The following LRMDA variants were observed in gnomAD, a reference collection of about 807,000 sequenced individuals.
LRMDA encodes leucine-rich melanocyte differentiation-associated protein.
Under a neutral mutation model 29.8 loss-of-function variants are expected in LRMDA, and 18 were observed. The ratio of observed to expected loss-of-function variants is 0.60; its 90% CI spans 0.42 to 0.90. LRMDA has a LOEUF of 0.90. LRMDA is among the 40% of genes least tolerant of loss of function. LRMDA has a pLI of 0.00. For synonymous variants in LRMDA, 125 were observed against 109.4 expected, an observed-to-expected ratio of 1.14 and a Z score of -0.89; for missense variants, 273 against 273.9, an observed-to-expected ratio of 1.00 and a Z score of 0.02.
At position 76,376,978 on chromosome 10, in the gene LRMDA, T is replaced by C. The variant is rs1841529937; in HGVS notation, c.601+52493T>C. On this transcript the variant is annotated intron_variant, in intron 6 of 6. Transcript: ENST00000611255. ...TCCGCTCACTGGAAGCTCCACCACC[T>C]GGGTTCACACCATTCTCCTGCCTCA... Among the ~76,000 whole-genome samples the C allele has an allele frequency of 3.6e-5, 5 of 140,626 alleles. No homozygotes were observed. In the Admixed American group the frequency reaches 3.9e-4, roughly 11 times the overall value. The allele number at this position is 140,626 out of a possible 152,430, so 92.3% of individuals were successfully genotyped here.
intron 6 of LRMDA, among the ~76,000 whole-genome samples, chr10:76,540,306 A>C (rs1030660539): frequency 1.1e-4 from 16 of 150,650 alleles, no homozygotes; most frequent in Admixed American, 2.6e-4. Flanking sequence ...TAGAGGGGGA[A>C]ATCTCTTCAT....
chr10:75,737,082 C>G (rs1750022194), intron 2 of LRMDA, among the ~76,000 whole-genome samples: 1 of 151,130 alleles, frequency 6.6e-6, no homozygotes, highest in Non-Finnish European at 1.5e-5. Flanking sequence ...CACACACGCA[C>G]ATGCATGCAC....
intron 6 of LRMDA, among the ~76,000 whole-genome samples, chr10:76,386,613 A>C (rs1318597905): frequency 6.6e-6 from 1 of 152,176 alleles, no homozygotes; most frequent in African/African-American, 2.4e-5. Context: ...TTACAATATC[A>C]CACCCCATAT....
intron 5 of LRMDA, among the ~76,000 whole-genome samples, chr10:76,131,524 T>A (rs545130291): frequency 1.3e-5 from 2 of 152,348 alleles, no homozygotes; most frequent in African/African-American, 4.8e-5. Flanking sequence ...ATATTTAAGA[T>A]CTTTGATGCA....
chr10:76,049,576 G>GAA (rs1274059995), intron 4 of LRMDA, among the ~76,000 whole-genome samples: 1 of 152,038 alleles, frequency 6.6e-6, no homozygotes, highest in Non-Finnish European at 1.5e-5. Context: ...CTTGTATATG[G>GAA]AAAAGATAGA....
chr10:75,460,873 C>T (rs1368137039), intron 2 of LRMDA, among the ~76,000 whole-genome samples: 1 of 152,104 alleles, frequency 6.6e-6, no homozygotes, highest in Non-Finnish European at 1.5e-5. Flanking sequence ...GTTATTAAGA[C>T]ATGCTGTGAT....
At chr10:76,094,224 CCTTT>C (rs1318014922) in intron 5 of LRMDA, among the ~76,000 whole-genome samples, 1 of 152,064 alleles carries the variant, frequency 6.6e-6, no homozygotes, top group Admixed American at 6.6e-5. Context: ...CAAATAGAGA[CCTTT>C]CTTTCTCATT....
chr10:76,391,354 A>G (rs1489960722), intron 6 of LRMDA, among the ~76,000 whole-genome samples: 1 of 152,202 alleles, frequency 6.6e-6, no homozygotes. Context: ...CCAGAAGCTG[A>G]TGAGGCTTAT....
chr10:76,150,552 C>A (rs181363780), intron 5 of LRMDA, among the ~76,000 whole-genome samples: 1 of 152,142 alleles, frequency 6.6e-6, no homozygotes. Context: ...GCTGTCATAA[C>A]GCAAGGTTAA....
At chr10:75,722,185 G>T (rs2047904431) in intron 2 of LRMDA, among the ~76,000 whole-genome samples, 1 of 151,862 alleles carries the variant, frequency 6.6e-6, no homozygotes, top group South Asian at 2.1e-4. Context: ...TCCATCCTAG[G>T]GCCTGCCAAT....
chr10:76,363,116 G>GGAAAGAAAGAAA lies in LRMDA; in HGVS notation c.601+38681_601+38692dup, dbSNP rs1192417224. Among the ~76,000 whole-genome samples the GGAAAGAAAGAAA allele has an allele frequency of 5.1e-3, 265 of 51,520 alleles. 15 individuals carry two copies. The highest frequency in any genetic ancestry group is 0.021 in the East Asian group (40 of 1,872). 33.8% of individuals were successfully genotyped at this position (51,520 alleles called of 152,430 possible). On this transcript the variant is annotated intron_variant, in intron 6 of 6. Transcript: ENST00000611255. ...CTAGAGGTTTCAGCCTGTGGAGTAA[G>GGAAAGAAAGAAA]GAAAGAAAGAAAGAAAGAAAGAAAG...
rs982555349 is a variant in LRMDA at position 76,329,808 on chromosome 10, C to T, written c.601+5323C>T. 9.2e-5 allele frequency among the ~76,000 whole-genome samples: 14 copies of T among 152,020 alleles called. No homozygotes were observed. In the South Asian group the frequency reaches 2.1e-3, roughly 23 times the overall value. On this transcript the variant is annotated intron_variant, in intron 6 of 6. Coordinates refer to ENST00000611255, the MANE Select transcript of LRMDA (RefSeq NM_001305581.2). ...CATGAAGCAGCTCAATGTATGCCAT[C>T]CAAAAAAGAAGAAAAAGACCGAAAG...
intron 2 of LRMDA, among the ~76,000 whole-genome samples, chr10:75,724,108 C>A (rs1033292548): frequency 6.6e-6 from 1 of 152,092 alleles, no homozygotes; most frequent in Non-Finnish European, 1.5e-5. Context: ...AAAATTCAGA[C>A]TAGGGTACAG....
chr10:76,051,811 C>G lies in LRMDA; in HGVS notation c.398+4508C>G, dbSNP rs138233748. ...CAAGATACACTCAAGAGTCTGGCCT[C>G]TTTCACTATGCTATTAGTCCCCAAG... On this transcript the variant is annotated intron_variant, in intron 4 of 6. Coordinates refer to ENST00000611255, the MANE Select transcript of LRMDA (RefSeq NM_001305581.2). Among the ~76,000 whole-genome samples the G allele has an allele frequency of 2.6e-5, 4 of 152,338 alleles. No homozygotes were observed. In the East Asian group the frequency reaches 7.7e-4, roughly 29 times the overall value.
intron 2 of LRMDA, among the ~76,000 whole-genome samples, chr10:75,834,389 G>A (rs1321043798): frequency 6.6e-6 from 1 of 152,174 alleles, no homozygotes; most frequent in Non-Finnish European, 1.5e-5. Flanking sequence ...ATTTGCCAAA[G>A]GTTGTTCATT....
chr10:75,974,982 G>A lies in LRMDA; in HGVS notation c.132-61026G>A, dbSNP rs1450755888. 3.3e-5 allele frequency among the ~76,000 whole-genome samples: 5 copies of A among 152,296 alleles called. No individual in the cohort carries two copies. In the South Asian group the frequency reaches 6.2e-4, roughly 19 times the overall value. ...GAGGAAGATGGATGCTTTAATGAGC[G>A]ATGACCACCAAGTATGTACAAGCTA... is the stretch of plus-strand genomic sequence containing the variant. On this transcript the variant is annotated intron_variant, in intron 2 of 6. Coordinates refer to ENST00000611255, the MANE Select transcript of LRMDA (RefSeq NM_001305581.2).
chr10:75,648,436 C>T (rs898823209), intron 2 of LRMDA, among the ~76,000 whole-genome samples: 10 of 152,146 alleles, frequency 6.6e-5, no homozygotes, highest in South Asian at 4.1e-4. Flanking sequence ...TGTCCTATTT[C>T]GACTTTCTAA....
intron 2 of LRMDA, among the ~76,000 whole-genome samples, chr10:75,959,517 G>GCACA (rs3042540): frequency 0.028 from 4,141 of 150,070 alleles, 62 homozygotes; most frequent in South Asian, 0.041. Context: ...GCACGTGCAT[G>GCACA]CACACACACA....
intron 5 of LRMDA, among the ~76,000 whole-genome samples, chr10:76,074,851 C>T (rs1225787719): frequency 2.0e-5 from 3 of 152,076 alleles, no homozygotes; most frequent in Admixed American, 2.0e-4. Context: ...AACAAACAGT[C>T]CCAGATCCCG....
Sources: gnomAD v4.1 joint callset for allele counts (sites outside exome capture counted in the v4.1 genomes callset) on GRCh38, gnomAD v4.1.1 for gene constraint, MANE v1.5 for transcripts, NCBI Gene and HGNC (gene_info 2026-07-23, HGNC 2026-07-21) for gene names.